The following CDH12 variants were observed in gnomAD, a reference collection of about 807,000 sequenced individuals.
The protein encoded by CDH12 is cadherin-12.
Under a neutral mutation model 74.1 loss-of-function variants are expected in CDH12, and 41 were observed. The observed-to-expected ratio is 0.55, with a 90% CI of 0.43 to 0.72. CDH12 has a LOEUF of 0.72. CDH12 is among the 30% of genes least tolerant of loss of function. CDH12 has a pLI of 0.00. For missense variants in CDH12, 945 were observed against 977.2 expected (o/e 0.97, Z 0.44); for synonymous variants, 399 against 355.0 (o/e 1.12, Z -1.39).
intron 3 of CDH12, among the ~76,000 whole-genome samples, chr5:22,225,242 T>C (rs1752155561): frequency 6.6e-6 from 1 of 152,104 alleles, no homozygotes; most frequent in South Asian, 2.1e-4. Flanking sequence ...GCTAACGTTA[T>C]AAATATACAA....
intron 6 of CDH12, chr5:21,882,777 A>G: frequency 6.3e-7 from 1 of 1,590,814 alleles, no homozygotes; most frequent in South Asian, 1.1e-5. Context: ...AAGAACAGTG[A>G]TTATTGAGCA....
chr5:22,081,298 A>C (rs1450091323), intron 4 of CDH12, among the ~76,000 whole-genome samples: 3 of 152,166 alleles, frequency 2.0e-5, no homozygotes, highest in Non-Finnish European at 4.4e-5. Flanking sequence ...AGAAAGTCAG[A>C]GAATCTTTTG....
intron 1 of CDH12, among the ~76,000 whole-genome samples, chr5:22,523,945 C>T (rs1737157427): frequency 6.6e-6 from 1 of 151,490 alleles, no homozygotes; most frequent in African/African-American, 2.4e-5. Flanking sequence ...TTTCCATTAC[C>T]TGAAATCTTC....
chr5:22,767,370 A>G (rs1330059118), intron 1 of CDH12, among the ~76,000 whole-genome samples: 1 of 151,978 alleles, frequency 6.6e-6, no homozygotes, highest in Non-Finnish European at 1.5e-5. Context: ...TTCCTTTTGC[A>G]CTTCAACACA....
intron 6 of CDH12, among the ~76,000 whole-genome samples, chr5:21,869,300 C>A (rs956653418): frequency 6.6e-6 from 1 of 152,092 alleles, no homozygotes; most frequent in African/African-American, 2.4e-5. Context: ...ATAATTCAAT[C>A]TATGTAGGAC....
In CDH12 at chr5:21,802,266, T is replaced by C. The variant is rs777416608; in HGVS notation, c.1157A>G (p.Lys386Arg). 1.1e-5 allele frequency: 17 copies of C among 1,611,500 alleles called. No individual in the cohort carries two copies. In the Admixed American group the frequency reaches 2.3e-4, roughly 22 times the overall value. ...ATAAACCTCCATGGTGTAGAGCGGC[T>C]TGCTGAAAACCGGTGGCTCATCTAC... ...LDVDEPPVFS[K>R]PLYTMEVYED... The change falls in exon 10 of 15, where the codon AAG becomes AGG. Residue 386 changes from lysine (K) to arginine (R), a missense_variant. Transcript: ENST00000382254.
intron 1 of CDH12, among the ~76,000 whole-genome samples, chr5:22,529,693 T>G (rs918524631): frequency 6.6e-6 from 1 of 152,178 alleles, no homozygotes. Flanking sequence ...GTGGCCCAGT[T>G]GAGTTAACAC....
rs535321787 is a variant in CDH12, at chr5:21,802,175, A to G, written c.1248T>C (p.Ser416=). The G allele has an allele frequency of 1.3e-5, 21 of 1,613,250 alleles. No individual in the cohort carries two copies. The East Asian group carries it at 4.2e-4, about 33-fold the overall frequency. Residue 416 remains serine, a synonymous_variant, in exon 10 of 15, where the codon AGT becomes AGC. Transcript: ENST00000382254. ...VTAQDLDVGS[S]AVRYFIDWKS... is the part of the protein sequence containing the mutation. ...ATGTTTCTTTTTCTCACCTAACAGC[A>G]CTGCTGCCTACATCCAGGTCTTGAG...
At chr5:22,183,477 C>A (rs550931951) in intron 4 of CDH12, among the ~76,000 whole-genome samples, 1 of 152,230 alleles carries the variant, frequency 6.6e-6, no homozygotes, top group Admixed American at 6.5e-5. Flanking sequence ...AGTTATAGCA[C>A]AGACTACTTT....
chr5:22,655,844 A>G (rs1335474385), intron 1 of CDH12, among the ~76,000 whole-genome samples: 1 of 152,234 alleles, frequency 6.6e-6, no homozygotes, highest in Admixed American at 6.5e-5. Context: ...AAGTCTGACC[A>G]TAAGTGTGTA....
At chr5:22,493,109 T>C (rs449760) in intron 2 of CDH12, among the ~76,000 whole-genome samples, 143,093 of 152,238 alleles carry the variant, frequency 0.94, 67,338 homozygotes, top group Admixed American at 0.97. Context: ...GTAAATTCTT[T>C]TCTCACATGA....
At chr5:22,806,834 G>T (rs1748841530) in intron 1 of CDH12, among the ~76,000 whole-genome samples, 1 of 151,838 alleles carries the variant, frequency 6.6e-6, no homozygotes, top group African/African-American at 2.4e-5. Context: ...TTTTTTTCTT[G>T]TAAATTTGTT....
chr5:22,455,058 T>C (rs1290105912), intron 2 of CDH12, among the ~76,000 whole-genome samples: 1 of 152,182 alleles, frequency 6.6e-6, no homozygotes, highest in African/African-American at 2.4e-5. Flanking sequence ...GAAACTTTTG[T>C]AGATTTTGTT....
chr5:22,283,312 TAC>T (rs1395411226), intron 3 of CDH12, among the ~76,000 whole-genome samples: 4 of 148,674 alleles, frequency 2.7e-5, no homozygotes, highest in East Asian at 2.0e-4. Context: ...TACATATATA[TAC>T]ACACACAGCA....
At chr5:22,060,046 T>A (rs1200497027) in intron 5 of CDH12, among the ~76,000 whole-genome samples, 2 of 152,148 alleles carry the variant, frequency 1.3e-5, no homozygotes, top group African/African-American at 4.8e-5. Flanking sequence ...TTGGGACATT[T>A]ATTCATATAA....
intron 4 of CDH12, chr5:22,144,138 T>C: frequency 6.6e-6 from 1 of 152,200 alleles, no homozygotes. Flanking sequence ...TCAGTCCTTT[T>C]ATCTACTCAA....
rs556706990 is a variant in CDH12, at chr5:22,222,025, G to A, written c.-332-9382C>T. Among the ~76,000 whole-genome samples, 225 of 151,978 alleles carry A rather than the reference G, an allele frequency of 1.5e-3. 1 individual carries two copies. Among genetic ancestry groups the A allele is most frequent in the African/African-American group, 5.2e-3 (214 of 41,508 alleles). ...AACTCCAATATGTGTTTAAGTACAAGGACCTATACTATTTGATGGCTCTTA... is the reference window on the plus strand; with the variant it reads ...AACTCCAATATGTGTTTAAGTACAAAGACCTATACTATTTGATGGCTCTTA... On this transcript the variant is annotated intron_variant, in intron 3 of 14. Coordinates refer to ENST00000382254, the MANE Select transcript of CDH12 (RefSeq NM_004061.5).
intron 3 of CDH12, among the ~76,000 whole-genome samples, chr5:22,361,224 C>T (rs1215507935): frequency 1.3e-5 from 2 of 152,178 alleles, no homozygotes; most frequent in African/African-American, 4.8e-5. Context: ...TAAGCAACTT[C>T]AGCAAAGTCT....
intron 5 of CDH12, among the ~76,000 whole-genome samples, chr5:22,030,809 C>T (rs1235387253): frequency 6.6e-6 from 1 of 152,158 alleles, no homozygotes; most frequent in Non-Finnish European, 1.5e-5. Context: ...TTTAATGTAG[C>T]TACATTTATC....
Sources: allele counts gnomAD v4.1 joint callset (sites outside exome capture counted in the v4.1 genomes callset), GRCh38; gene constraint gnomAD v4.1.1; transcripts MANE v1.5; gene names NCBI Gene and HGNC (gene_info 2026-07-23, HGNC 2026-07-21).